Variants in BAZ1B observed in about 807,000 individuals in gnomAD.
The protein encoded by BAZ1B is tyrosine-protein kinase BAZ1B.
Under a neutral mutation model 153.8 loss-of-function variants are expected in BAZ1B, and 22 were observed. That is an observed-to-expected ratio of 0.14 (90% CI 0.10 to 0.20). BAZ1B has a LOEUF of 0.20. Ranked by LOEUF, BAZ1B falls within the 10% of genes least tolerant of loss-of-function variation. BAZ1B has a pLI of 1.00. For missense variants in BAZ1B, 1,325 were observed against 1,799.3 expected (o/e 0.74, Z 4.77); for synonymous variants, 676 against 633.4 (o/e 1.07, Z -1.01).
At chr7:73,466,631 C>G (rs1788596505) in intron 9 of BAZ1B, among the ~76,000 whole-genome samples, 1 of 152,132 alleles carries the variant, frequency 6.6e-6, no homozygotes, top group African/African-American at 2.4e-5. Context: ...TACACAGTTC[C>G]AAAGTTTAGG....
intron 11 of BAZ1B, 78 bp from the exon 12 acceptor site, chr7:73,463,177 G>A (rs1788455242): frequency 1.6e-6 from 2 of 1,287,962 alleles, no homozygotes; most frequent in South Asian, 3.0e-5. Context: ...TACTTAACAT[G>A]TTTTATTTCT....
At chr7:73,465,942 C>T (rs547066745) in intron 10 of BAZ1B, among the ~76,000 whole-genome samples, 39 of 152,132 alleles carry the variant, frequency 2.6e-4, no homozygotes, top group South Asian at 6.2e-4. Flanking sequence ...ATAAAGGAAA[C>T]GAATAGCTAT....
intron 3 of BAZ1B, chr7:73,507,078 C>G (rs1790374288): frequency 6.6e-6 from 1 of 151,238 alleles, no homozygotes; most frequent in Admixed American, 6.6e-5. Context: ...TGGGGTTTCA[C>G]CGTGTTAGCC....
intron 13 of BAZ1B, among the ~76,000 whole-genome samples, chr7:73,459,054 C>G (rs1397804520): frequency 7.2e-5 from 11 of 152,040 alleles, no homozygotes; most frequent in African/African-American, 2.7e-4. Flanking sequence ...CGAGACCACT[C>G]TGGCCAACAT....
intron 6 of BAZ1B, among the ~76,000 whole-genome samples, chr7:73,483,315 A>T (rs1490007176): frequency 6.6e-6 from 1 of 152,228 alleles, no homozygotes; most frequent in Non-Finnish European, 1.5e-5. Flanking sequence ...TGCTGCACAC[A>T]ACTTAATAAT....
intron 16 of BAZ1B, among the ~76,000 whole-genome samples, chr7:73,446,883 G>A (rs1787857627): frequency 6.6e-6 from 1 of 152,234 alleles, no homozygotes; most frequent in Admixed American, 6.5e-5. Flanking sequence ...TCTGAAAGCA[G>A]CGATAAAACA....
At chr7:73,444,704 G>A (rs1554565972) in intron 16 of BAZ1B, among the ~76,000 whole-genome samples, 1 of 152,180 alleles carries the variant, frequency 6.6e-6, no homozygotes, top group Non-Finnish European at 1.5e-5. Context: ...GCCCTGCCCA[G>A]GATCCCCAAT....
rs1554566889 is a variant in BAZ1B, at chr7:73,447,287, T to C, written c.3821A>G (p.Asp1274Gly). 1 of 1,609,006 alleles carries C rather than the reference T, an allele frequency of 6.2e-7. No individual in the cohort carries two copies. The highest frequency in any genetic ancestry group is 8.5e-7 in the Non-Finnish European group (1 of 1,175,280). Reference sequence around the variant, plus strand: ...ACATCGCAAACCAGCCACCTCATAATCTTCTTCCTCCTCCTCCTCTTCTTC... The same window carrying C: ...ACATCGCAAACCAGCCACCTCATAACCTTCTTCCTCCTCCTCCTCTTCTTC... Reference protein sequence around the residue: ...EEEEEEEEEEDYEVAGLRLRP... With the variant: ...EEEEEEEEEEGYEVAGLRLRP... The change falls in exon 16 of 20, where the codon GAT becomes GGT. Residue 1274 changes from aspartate to glycine, a missense_variant. This residue lies in a region of BAZ1B where 271 missense variants were observed against 337.2 expected (regional missense o/e 0.80). Transcript: ENST00000339594.
At chr7:73,444,891 G>C (rs1787771552) in intron 16 of BAZ1B, among the ~76,000 whole-genome samples, 1 of 152,138 alleles carries the variant, frequency 6.6e-6, no homozygotes. Flanking sequence ...GCACATGCTG[G>C]TAATCCCAGC....
intron 1 of BAZ1B, among the ~76,000 whole-genome samples, chr7:73,516,722 C>G (rs1554579352): frequency 7.8e-6 from 1 of 128,226 alleles, no homozygotes; most frequent in East Asian, 2.4e-4. Context: ...TTGCAGTGAG[C>G]CAAGATTGCA....
At position 73,512,028 on chromosome 7, in the gene BAZ1B, C is replaced by CAAAAAAAAA. The variant is rs1168749967; in HGVS notation, c.108-1185_108-1177dup. ...GGGTGATAAGAGCGAAACTCCACCT[C>CAAAAAAAAA]AAAAAAAAAAAAAAAAAAAAAAAAA... On this transcript the variant is annotated intron_variant, in intron 1 of 19. Transcript: ENST00000339594. Among the ~76,000 whole-genome samples, 26 of 34,752 alleles carry CAAAAAAAAA rather than the reference C, an allele frequency of 7.5e-4. 2 individuals carry two copies. The highest frequency in any genetic ancestry group is 3.1e-3 in the African/African-American group (25 of 8,144). 22.8% of individuals were successfully genotyped at this position (34,752 alleles called of 152,430 possible). A position where few individuals can be genotyped will look rare whatever the true frequency, so the allele number is the denominator to read the frequency against.
At chr7:73,509,047 C>T (rs1179923719) in intron 2 of BAZ1B, among the ~76,000 whole-genome samples, 4 of 150,030 alleles carry the variant, frequency 2.7e-5, no homozygotes, top group East Asian at 2.0e-4. Flanking sequence ...TTTGGCTGGG[C>T]GTGGTGGCTC....
chr7:73,441,049 G>A lies in BAZ1B; in HGVS notation c.*660C>T, dbSNP rs1376484650. 5 of 152,398 alleles carry A rather than the reference G, an allele frequency of 3.3e-5. No homozygotes were observed. The highest frequency in any genetic ancestry group is 1.2e-4 in the African/African-American group (5 of 41,388). The allele number at this position is 152,398 out of a possible 1,614,324, so 9.4% of individuals were successfully genotyped here. On this transcript the variant is annotated 3_prime_UTR_variant, in exon 20 of 20. Coordinates refer to ENST00000339594, the MANE Select transcript of BAZ1B (RefSeq NM_032408.4). ...CCACTGGAATCTTCAGGTTCTTGAG[G>A]AGTTCCAAGGCTGAGGTCAGAACGG...
At chr7:73,489,539 G>A (rs1789550606) in intron 5 of BAZ1B, 148 bp from the exon 6 acceptor site, 2 of 798,840 alleles carry the variant, frequency 2.5e-6, no homozygotes, top group Non-Finnish European at 3.9e-6. Flanking sequence ...TATAGGCCAG[G>A]GATGGTTTCT....
chr7:73,520,864 A>G (rs1252652975), intron 1 of BAZ1B, among the ~76,000 whole-genome samples: 1 of 152,202 alleles, frequency 6.6e-6, no homozygotes, highest in Non-Finnish European at 1.5e-5. Context: ...TCACTCTTAA[A>G]GCTTTCAGTC....
intron 10 of BAZ1B, among the ~76,000 whole-genome samples, chr7:73,465,807 C>G (rs1391935729): frequency 6.6e-6 from 1 of 152,046 alleles, no homozygotes; most frequent in Non-Finnish European, 1.5e-5. Context: ...GTCCCTTTCC[C>G]TCCAGAGAGT....
At chr7:73,460,012 T>C (rs1008646271) in intron 12 of BAZ1B, among the ~76,000 whole-genome samples, 6 of 151,976 alleles carry the variant, frequency 3.9e-5, no homozygotes, top group Non-Finnish European at 7.4e-5. Flanking sequence ...TTGGCCAACA[T>C]GGCAAAACCC....
intron 4 of BAZ1B, among the ~76,000 whole-genome samples, chr7:73,498,121 C>T (rs1244202652): frequency 7.9e-5 from 12 of 151,962 alleles, no homozygotes; most frequent in African/African-American, 1.7e-4. Flanking sequence ...CACCACAAGC[C>T]GCTAATTTTT....
intron 3 of BAZ1B, among the ~76,000 whole-genome samples, chr7:73,506,455 T>C (rs1163781052): frequency 6.9e-6 from 1 of 145,554 alleles, no homozygotes. Context: ...GCTGAGATCA[T>C]GCCACTGCAC....
Sources: gnomAD v4.1 joint callset for allele counts (sites outside exome capture counted in the v4.1 genomes callset) on GRCh38, gnomAD v4.1.1 for gene constraint, gnomAD v4.1.1 regional missense constraint, MANE v1.5 for transcripts, NCBI Gene and HGNC (gene_info 2026-07-23, HGNC 2026-07-21) for gene names.